The following ZNF266 variants were observed in gnomAD, a reference collection of about 807,000 sequenced individuals.
ZNF266 encodes zinc finger protein 266, also known as zinc finger protein 1.
ZNF266 carries 16 observed loss-of-function variants against 16.4 expected under a neutral mutation model. The observed-to-expected ratio is 0.98, with a 90% CI of 0.66 to 1.48. The LOEUF (loss-of-function observed/expected upper bound fraction) is 1.48, where lower values mean the gene tolerates loss of function less well. Ranked by LOEUF, ZNF266 falls within the 40% of genes most tolerant of loss-of-function variation. The pLI, the probability that ZNF266 is intolerant of heterozygous loss-of-function variation, is 0.00. For synonymous variants in ZNF266, 262 were observed against 237.9 expected, an observed-to-expected ratio of 1.10 and a Z score of -0.93; for missense variants, 738 against 689.1, an observed-to-expected ratio of 1.07 and a Z score of -0.79.
chr19:9,428,905 A>AT (rs58814249), intron 5 of ZNF266, among the ~76,000 whole-genome samples: 5 of 150,084 alleles, frequency 3.3e-5, no homozygotes, highest in African/African-American at 7.4e-5. Flanking sequence ...TGTCAATTTA[A>AT]TTTTTTTTTT....
intron 9 of ZNF266, 104 bp from the exon 10 acceptor site, chr19:9,415,846 C>T (rs755420240): frequency 5.9e-5 from 55 of 932,020 alleles, no homozygotes; most frequent in East Asian, 2.3e-4. Flanking sequence ...TTTCTTGAGA[C>T]GGTGTCTCAC....
At chr19:9,415,317 C>G (rs988323101) in intron 10 of ZNF266, among the ~76,000 whole-genome samples, 2 of 152,172 alleles carry the variant, frequency 1.3e-5, no homozygotes, top group African/African-American at 4.8e-5. Flanking sequence ...CAATAAGTGT[C>G]AAGCTAGATT....
chr19:9,416,225 A>G (rs538681787), intron 9 of ZNF266, among the ~76,000 whole-genome samples: 3 of 152,338 alleles, frequency 2.0e-5, no homozygotes, highest in Non-Finnish European at 4.4e-5. Flanking sequence ...TATAGCGTCA[A>G]AATTTTACAT....
chr19:9,416,416 T>C lies in ZNF266; in HGVS notation c.317-674A>G, dbSNP rs954764681. Reference sequence around the variant, plus strand: ...TTCACTCTTGTCACTCAGGCTGGAGTGCAATAGAACAATCTCGGCTCACTG... The same window carrying C: ...TTCACTCTTGTCACTCAGGCTGGAGCGCAATAGAACAATCTCGGCTCACTG... On this transcript the variant is annotated intron_variant, in intron 9 of 10. Transcript: ENST00000592904. Among the ~76,000 whole-genome samples, 77 of 149,456 alleles carry C rather than the reference T, an allele frequency of 5.2e-4. 1 individual carries two copies. The highest frequency in any genetic ancestry group is 1.8e-3 in the African/African-American group (74 of 40,404).
Position 9,416,821 on chromosome 19 carries a change from G to A in ZNF266, c.316+1007C>T, listed in dbSNP as rs531241260. ...CTAGTAGCTGGGACTACAGGAGTGC[G>A]CCACCACGCCCAGCTAATAGTTGTA... On this transcript the variant is annotated intron_variant, in intron 9 of 10. Transcript: ENST00000592904. Among the ~76,000 whole-genome samples the A allele has an allele frequency of 7.0e-4, 105 of 150,312 alleles. 1 individual carries two copies. Among genetic ancestry groups the A allele is most frequent in the African/African-American group, 2.5e-3 (103 of 40,910 alleles).
intron 2 of ZNF266, 109 bp from the exon 3 acceptor site, chr19:9,434,968 G>A (rs2072241350): frequency 6.6e-6 from 1 of 152,154 alleles, no homozygotes; most frequent in Non-Finnish European, 1.5e-5. Context: ...CCACACCCCA[G>A]ATACCTAAAA....
chr19:9,423,601 C>A (rs1353461153), intron 5 of ZNF266, among the ~76,000 whole-genome samples: 1 of 152,138 alleles, frequency 6.6e-6, no homozygotes, highest in Non-Finnish European at 1.5e-5. Context: ...TGGGGGACAA[C>A]CCTTAGAAAG....
intron 3 of ZNF266, 79 bp from the exon 4 acceptor site, chr19:9,434,314 T>C (rs1349045017): frequency 1.3e-5 from 2 of 152,240 alleles, no homozygotes; most frequent in Non-Finnish European, 2.9e-5. Flanking sequence ...AATACACTTA[T>C]TTGCTTGGTT....
intron 5 of ZNF266, among the ~76,000 whole-genome samples, chr19:9,424,598 T>C (rs775418189): frequency 2.6e-5 from 4 of 152,246 alleles, no homozygotes; most frequent in Admixed American, 6.5e-5. Context: ...TAGTTTTGCA[T>C]GTTTTCTCTC....
chr19:9,430,127 C>T lies in ZNF266; in HGVS notation c.-130+3541G>A, dbSNP rs560579354. Among the ~76,000 whole-genome samples the T allele has an allele frequency of 9.2e-5, 14 of 151,696 alleles. No homozygotes were observed. The South Asian group carries it at 2.7e-3, about 29-fold the overall frequency. ...TGAGGCTCAGTGAGTTCCTGCTTCA[C>T]CTCCCTAGCGCAGCTGCAAAGTTAC... On this transcript the variant is annotated intron_variant, in intron 5 of 10. Coordinates refer to ENST00000592904, the MANE Select transcript of ZNF266 (RefSeq NM_001370374.1).
Position 9,413,668 on chromosome 19 carries a change from A to C in ZNF266, c.1458T>G (p.Ile486Met). The C allele has an allele frequency of 1.2e-6, 2 of 1,614,062 alleles. No individual in the cohort carries two copies. The highest frequency in any genetic ancestry group is 1.7e-6 in the Non-Finnish European group (2 of 1,179,984). The change falls in exon 11 of 11, where the codon ATT (isoleucine) becomes ATG (methionine). Residue 486 changes from isoleucine to methionine, a missense_variant. By Grantham distance (10) the Ile-to-Met change is conservative (BLOSUM62 1). Transcript: ENST00000592904. Reference sequence around the variant, plus strand: ...TCAAATGTCCACTAAGATTTGAAGAAATAGCAAAGGCTTTCCCACATTTGA... The same window carrying C: ...TCAAATGTCCACTAAGATTTGAAGACATAGCAAAGGCTTTCCCACATTTGA... ...ECVKCGKAFA[I>M]SSNLSGHLRI...
rs145489134 is a variant in ZNF266, at chr19:9,414,174, T to A, written c.952A>T (p.Arg318Trp). 6.2e-7 allele frequency: 1 copy of A among 1,613,192 alleles called. No homozygotes were observed. Among genetic ancestry groups the A allele is most frequent in the African/African-American group, 1.3e-5 (1 of 74,708 alleles). The change falls in exon 11 of 11, where the codon AGG becomes TGG. Residue 318 changes from arginine (R) to tryptophan (W), a missense_variant. By Grantham distance (101) the Arg-to-Trp change is moderately radical. Transcript: ENST00000592904. ...CTGTGCTGAGTAAGTTGACAAGACC[T>A]GGTGAAGGCTTTCCCACACTCCTTA... ...ECKECGKAFT[R>W]SCQLTQHRKT...
chr19:9,427,275 A>C (rs1348554464), intron 5 of ZNF266, among the ~76,000 whole-genome samples: 1 of 152,136 alleles, frequency 6.6e-6, no homozygotes, highest in Admixed American at 6.6e-5. Context: ...TTCAATAAAC[A>C]ACCAATAACT....
At position 9,417,104 on chromosome 19, in the gene ZNF266, C is replaced by T. The variant is rs569469173; in HGVS notation, c.316+724G>A. 6.2e-4 allele frequency among the ~76,000 whole-genome samples: 63 copies of T among 102,302 alleles called. No individual in the cohort carries two copies. The East Asian group carries it at 0.011, about 18-fold the overall frequency. The allele number at this position is 102,302 out of a possible 152,430, so 67.1% of individuals were successfully genotyped here. A position where few individuals can be genotyped will look rare whatever the true frequency, so the allele number is the denominator to read the frequency against. On this transcript the variant is annotated intron_variant, in intron 9 of 10. Coordinates refer to ENST00000592904, the MANE Select transcript of ZNF266 (RefSeq NM_001370374.1). ...GAAATGGCCTACCTGGGCATGGTGG[C>T]TCATGCCTGTAATCCCAGCACTTTG...
At chr19:9,429,483 A>G (rs2071264176) in intron 5 of ZNF266, among the ~76,000 whole-genome samples, 1 of 151,970 alleles carries the variant, frequency 6.6e-6, no homozygotes. Context: ...ATCTACTTCA[A>G]TGGGTATCCA....
intron 5 of ZNF266, among the ~76,000 whole-genome samples, chr19:9,428,235 T>C (rs929331081): frequency 6.6e-6 from 1 of 152,190 alleles, no homozygotes; most frequent in Non-Finnish European, 1.5e-5. Context: ...CCCACTGTGC[T>C]CTAGGTCAGG....
At position 9,421,003 on chromosome 19, in the gene ZNF266, G is replaced by A. The variant is rs867385000; in HGVS notation, c.-129-785C>T. ...TGAACACCCACTCCATATAAACCGA[G>A]TATGACCCAACAACAGAATGTATTT... On this transcript the variant is annotated intron_variant, in intron 5 of 10. Transcript: ENST00000592904. Among the ~76,000 whole-genome samples the A allele has an allele frequency of 1.8e-3, 269 of 147,240 alleles. 1 individual carries two copies. The highest frequency in any genetic ancestry group is 6.9e-3 in the Middle Eastern group (2 of 288).
chr19:9,431,319 T>G (rs1485491328), intron 5 of ZNF266, among the ~76,000 whole-genome samples: 1 of 152,170 alleles, frequency 6.6e-6, no homozygotes, highest in African/African-American at 2.4e-5. Flanking sequence ...CCTCCTAATA[T>G]GGACGCCACA....
chr19:9,423,411 A>C (rs114963588), intron 5 of ZNF266, among the ~76,000 whole-genome samples: 3,051 of 152,324 alleles, frequency 0.02, 89 homozygotes, highest in African/African-American at 0.07. Flanking sequence ...CTTTATCAGT[A>C]GTCATGGCCT....
Sources: gnomAD v4.1 joint callset for allele counts (sites outside exome capture counted in the v4.1 genomes callset) on GRCh38, gnomAD v4.1.1 for gene constraint, MANE v1.5 for transcripts, NCBI Gene and HGNC (gene_info 2026-07-23, HGNC 2026-07-21) for gene names.